B4GALT1: variants seen among roughly 807,000 people sequenced by gnomAD.
B4GALT1 encodes beta-1,4-galactosyltransferase 1, also known as N-acetyllactosamine synthase.
B4GALT1 carries 16 observed loss-of-function variants against 34.9 expected under a neutral mutation model. The observed-to-expected ratio is 0.46, with a 90% CI of 0.31 to 0.70. The LOEUF is 0.70. Ranked by LOEUF, B4GALT1 falls within the 30% of genes least tolerant of loss-of-function variation. The probability of loss-of-function intolerance (pLI) is 0.05; values close to 1 mark genes in which losing one functional copy is unlikely to be tolerated. For missense variants in B4GALT1, 445 were observed against 530.5 expected (o/e 0.84, Z 1.58); for synonymous variants, 221 against 218.1 (o/e 1.01, Z -0.12).
At chr9:33,132,775 G>A (rs187468172) in intron 2 of B4GALT1, among the ~76,000 whole-genome samples, 83 of 152,312 alleles carry the variant, frequency 5.4e-4, no homozygotes, top group Non-Finnish European at 9.3e-4. Flanking sequence ...CACCTAAACT[G>A]CAACATATCT....
At chr9:33,130,007 G>A (rs750799865) in intron 2 of B4GALT1, among the ~76,000 whole-genome samples, 2 of 152,162 alleles carry the variant, frequency 1.3e-5, no homozygotes, top group Non-Finnish European at 2.9e-5. Flanking sequence ...GTTTAAAAGA[G>A]GAAGTAACAT....
intron 5 of B4GALT1, 83 bp from the exon 6 acceptor site, chr9:33,113,669 C>T (rs1839897670): frequency 3.9e-5 from 62 of 1,608,636 alleles, no homozygotes; most frequent in Non-Finnish European, 5.2e-5. Context: ...TCCTCCCTCT[C>T]CACTGTAACC....
chr9:33,168,706 T>C (rs1269183110), upstream of B4GALT1, among the ~76,000 whole-genome samples: 1 of 152,220 alleles, frequency 6.6e-6, no homozygotes, highest in Non-Finnish European at 1.5e-5. Flanking sequence ...GCCCCAGCCA[T>C]AGTCCATGAT....
At chr9:33,120,318 C>G (rs1587729904) in intron 3 of B4GALT1, 101 bp downstream of exon 3, 3 of 1,354,094 alleles carry the variant, frequency 2.2e-6, no homozygotes, top group Admixed American at 1.7e-5. Flanking sequence ...GCATTCTGCT[C>G]CAGAGCTTAA....
At chr9:33,173,634 T>C in the B4GALT1 span, among the ~76,000 whole-genome samples, 1 of 123,446 alleles carries the variant, frequency 8.1e-6, no homozygotes, top group African/African-American at 3.1e-5. Context: ...GTGTGTGTAT[T>C]GTCTGGGAGC....
chr9:33,104,967 G>C (rs1839784799), intron 2 of B4GALT1, among the ~76,000 whole-genome samples: 1 of 151,780 alleles, frequency 6.6e-6, no homozygotes, highest in Non-Finnish European at 1.5e-5. Context: ...TTACAGGCAT[G>C]TGCCACCACG....
At chr9:33,169,466 A>AG (rs1840819197), upstream of B4GALT1, among the ~76,000 whole-genome samples, 1 of 151,792 alleles carries the variant, frequency 6.6e-6, no homozygotes, top group African/African-American at 2.4e-5. Flanking sequence ...AGACCTTTTC[A>AG]GACTACCTTA....
At chr9:33,150,740 A>AT (rs1225438949) in intron 1 of B4GALT1, among the ~76,000 whole-genome samples, 1 of 152,268 alleles carries the variant, frequency 6.6e-6, no homozygotes, top group South Asian at 2.1e-4. Flanking sequence ...ATCTAAAAAA[A>AT]TTTTTTTTAA....
chr9:33,154,168 T>A (rs1797491208), intron 1 of B4GALT1, among the ~76,000 whole-genome samples: 4 of 152,190 alleles, frequency 2.6e-5, no homozygotes. Flanking sequence ...CAAGTGGGAT[T>A]TATCCCAGGT....
chr9:33,158,192 C>G (rs1305203503), intron 1 of B4GALT1, among the ~76,000 whole-genome samples: 7 of 152,084 alleles, frequency 4.6e-5, no homozygotes, highest in Non-Finnish European at 8.8e-5. Flanking sequence ...GCAGGCCCAG[C>G]CCACTCAAAT....
In B4GALT1 at chr9:33,113,040, C is replaced by G. The variant is rs41274019; in HGVS notation, c.*414G>C. On this transcript the variant is annotated 3_prime_UTR_variant, in exon 6 of 6. Coordinates refer to ENST00000379731, the MANE Select transcript of B4GALT1 (RefSeq NM_001497.4). ...TAAATTACAACTACCAAAAAGATCA[C>G]ACCAATCCAATTTTAGCAGCACTCT... 92 of 282,654 alleles carry G rather than the reference C, an allele frequency of 3.3e-4. No individual in the cohort carries two copies. The highest frequency in any genetic ancestry group is 5.1e-4 in the Non-Finnish European group (73 of 143,500). 17.5% of individuals were successfully genotyped at this position (282,654 alleles called of 1,614,324 possible).
chr9:33,145,641 C>T (rs955437235), intron 1 of B4GALT1, among the ~76,000 whole-genome samples: 3 of 128,026 alleles, frequency 2.3e-5, no homozygotes, highest in Admixed American at 7.3e-5. Context: ...GAAGGCCATA[C>T]AGGAAGACAG....
chr9:33,184,469 C>T, the B4GALT1 span, among the ~76,000 whole-genome samples: 1 of 152,178 alleles, frequency 6.6e-6, no homozygotes, highest in Non-Finnish European at 1.5e-5. Flanking sequence ...GCCTGCAAGA[C>T]AAAGCAAGTT....
At chr9:33,174,950 C>T in the B4GALT1 span, among the ~76,000 whole-genome samples, 1 of 76,834 alleles carries the variant, frequency 1.3e-5, no homozygotes, top group South Asian at 5.1e-4. Flanking sequence ...CAGAGCAAGA[C>T]TCTGTCTTAA....
intron 1 of B4GALT1, among the ~76,000 whole-genome samples, chr9:33,143,744 G>A (rs985877721): frequency 3.3e-5 from 5 of 152,184 alleles, no homozygotes; most frequent in African/African-American, 1.2e-4. Context: ...AGCAATTTAA[G>A]AATGAGGTCA....
At chr9:33,160,728 TC>T (rs1391635354) in intron 1 of B4GALT1, among the ~76,000 whole-genome samples, 1 of 151,772 alleles carries the variant, frequency 6.6e-6, no homozygotes, top group African/African-American at 2.4e-5. Context: ...ATCACTGCAC[TC>T]CAGCCTGGGT....
chr9:33,147,843 A>G (rs1263259825), intron 1 of B4GALT1, among the ~76,000 whole-genome samples: 2 of 152,142 alleles, frequency 1.3e-5, no homozygotes, highest in East Asian at 1.9e-4. Context: ...GATTGGCCTG[A>G]GCAACATATT....
At position 33,113,211 on chromosome 9, in the gene B4GALT1, G is replaced by A. The variant is rs777622118; in HGVS notation, c.*243C>T. ...AGTTCTGACTCTGGGGTGACACTGC[G>A]AACACATCAAGAAACCCGCAAAGGC... On this transcript the variant is annotated 3_prime_UTR_variant, in exon 6 of 6. Transcript: ENST00000379731. The A allele has an allele frequency of 8.7e-6, 5 of 573,520 alleles. No homozygotes were observed. Among genetic ancestry groups the A allele is most frequent in the Non-Finnish European group, 1.3e-5 (4 of 319,506 alleles). The allele number at this position is 573,520 out of a possible 1,614,324, so 35.5% of individuals were successfully genotyped here. A position where few individuals can be genotyped will look rare whatever the true frequency, so the allele number is the denominator to read the frequency against.
intron 2 of B4GALT1, 41 bp from the exon 3 acceptor site, chr9:33,120,647 G>A (rs754152073): frequency 1.2e-6 from 2 of 1,603,790 alleles, no homozygotes; most frequent in Non-Finnish European, 8.5e-7. Flanking sequence ...ATGCCTTAAA[G>A]CCTTTGGGCC....
Sources: allele counts gnomAD v4.1 joint callset (sites outside exome capture counted in the v4.1 genomes callset), GRCh38; gene constraint gnomAD v4.1.1; transcripts MANE v1.5; gene names NCBI Gene and HGNC (gene_info 2026-07-23, HGNC 2026-07-21).